The following CAMK1D variants were observed in gnomAD, a reference collection of about 807,000 sequenced individuals.
The protein encoded by CAMK1D is calcium/calmodulin-dependent protein kinase type 1D.
A neutral mutation model predicts 47.7 loss-of-function variants in CAMK1D; 9 were observed. That is an observed-to-expected ratio of 0.19 (90% confidence interval 0.11 to 0.33). CAMK1D has a LOEUF of 0.33. Among genes scored for constraint, CAMK1D ranks in the 10% least tolerant of loss-of-function variants. The probability of loss-of-function intolerance (pLI) is 1.00; values close to 1 mark genes in which losing one functional copy is unlikely to be tolerated. For missense variants in CAMK1D, 291 were observed against 488.7 expected (o/e 0.60, Z 3.81); for synonymous variants, 184 against 184.9 (o/e 0.99, Z 0.04).
At chr10:12,470,551 T>A (rs948475075) in intron 1 of CAMK1D, among the ~76,000 whole-genome samples, 7 of 151,788 alleles carry the variant, frequency 4.6e-5, no homozygotes, top group Admixed American at 3.3e-4. Context: ...GGAGTCTCGC[T>A]CTGTCGCCCA....
intron 2 of CAMK1D, among the ~76,000 whole-genome samples, chr10:12,610,532 T>C (rs1380201851): frequency 1.3e-5 from 2 of 152,160 alleles, no homozygotes; most frequent in Non-Finnish European, 2.9e-5. Flanking sequence ...AAGTGTATAA[T>C]GGGATGTCAA....
At chr10:12,721,535 TCCA>T (rs1834377763) in intron 3 of CAMK1D, among the ~76,000 whole-genome samples, 2 of 151,862 alleles carry the variant, frequency 1.3e-5, no homozygotes, top group African/African-American at 4.8e-5. Context: ...CATCCATCCA[TCCA>T]TCCATCTATC....
intron 5 of CAMK1D, among the ~76,000 whole-genome samples, chr10:12,783,078 C>T (rs1251094812): frequency 1.3e-5 from 2 of 151,580 alleles, no homozygotes; most frequent in Non-Finnish European, 2.9e-5. Context: ...CTGCAACCTC[C>T]ACCTCCTCGG....
intron 3 of CAMK1D, among the ~76,000 whole-genome samples, chr10:12,721,926 C>T (rs1834394497): frequency 6.6e-6 from 1 of 152,068 alleles, no homozygotes; most frequent in African/African-American, 2.4e-5. Flanking sequence ...TACTGAAACC[C>T]CTCGCTGCCT....
chr10:12,699,255 A>G (rs1564502727), intron 3 of CAMK1D, among the ~76,000 whole-genome samples: 1 of 152,166 alleles, frequency 6.6e-6, no homozygotes, highest in Non-Finnish European at 1.5e-5. Flanking sequence ...AAATGCCTTG[A>G]GTGTCCAAAA....
intron 3 of CAMK1D, among the ~76,000 whole-genome samples, chr10:12,722,446 CAAAAAAAAAAAAAAAA>C (rs55809900): frequency 8.2e-5 from 4 of 48,624 alleles, no homozygotes; most frequent in East Asian, 8.2e-4. Context: ...GACTCCGCCT[CAAAAAAAAAAAAAAAA>C]AAAAAAAAAA....
intron 1 of CAMK1D, among the ~76,000 whole-genome samples, chr10:12,484,106 TC>T (rs1286588994): frequency 2.6e-5 from 4 of 152,180 alleles, no homozygotes; most frequent in South Asian, 2.1e-4. Flanking sequence ...TGGGTGGCGT[TC>T]CAAATGCTTC....
intron 3 of CAMK1D, among the ~76,000 whole-genome samples, chr10:12,729,231 C>T (rs1055101353): frequency 6.6e-6 from 1 of 152,132 alleles, no homozygotes; most frequent in African/African-American, 2.4e-5. Flanking sequence ...TTCTAGGTTA[C>T]AAAATTCAAT....
rs142460442 is a variant in CAMK1D at position 12,720,436 on chromosome 10, G to T, written c.300-40512G>T. On this transcript the variant is annotated intron_variant, in intron 3 of 10. Coordinates refer to ENST00000619168, the MANE Select transcript of CAMK1D (RefSeq NM_153498.4). ...CTTGAACTTCACAGACATGCTGAGT[G>T]ATGACAAACCTTGGCAGGTCTGTGA... 1.7e-3 allele frequency among the ~76,000 whole-genome samples: 260 copies of T among 152,354 alleles called. 2 individuals are homozygous for T. The highest frequency in any genetic ancestry group is 5.9e-3 in the African/African-American group (244 of 41,588).
At chr10:12,742,763 A>T (rs1342420256) in intron 3 of CAMK1D, among the ~76,000 whole-genome samples, 1 of 152,214 alleles carries the variant, frequency 6.6e-6, no homozygotes, top group Non-Finnish European at 1.5e-5. Context: ...AGCTGTTTCC[A>T]AAGAGAATGA....
intron 2 of CAMK1D, among the ~76,000 whole-genome samples, chr10:12,607,715 C>A (rs1391949671): frequency 6.6e-6 from 1 of 152,224 alleles, no homozygotes; most frequent in Non-Finnish European, 1.5e-5. Flanking sequence ...AATCCCAGCA[C>A]TCTGGGAGGC....
intron 1 of CAMK1D, among the ~76,000 whole-genome samples, chr10:12,388,255 G>A (rs980130338): frequency 9.2e-5 from 14 of 152,166 alleles, no homozygotes; most frequent in Admixed American, 2.0e-4. Flanking sequence ...TCGAACTCCT[G>A]ACCTCAGGTG....
intron 6 of CAMK1D, among the ~76,000 whole-genome samples, chr10:12,799,337 C>T (rs1006314887): frequency 3.3e-5 from 5 of 151,964 alleles, no homozygotes; most frequent in African/African-American, 4.8e-5. Context: ...GGAGGGAGCA[C>T]GACATTGCCC....
intron 2 of CAMK1D, among the ~76,000 whole-genome samples, chr10:12,579,126 C>T (rs1047004464): frequency 3.3e-5 from 5 of 151,552 alleles, no homozygotes; most frequent in Non-Finnish European, 7.4e-5. Context: ...GGTGTGGGAG[C>T]GCGAGGAGTC....
At chr10:12,785,477 G>A (rs1318247220) in intron 5 of CAMK1D, among the ~76,000 whole-genome samples, 2 of 152,160 alleles carry the variant, frequency 1.3e-5, no homozygotes, top group South Asian at 2.1e-4. Context: ...TGCTGCATAC[G>A]ATTAGAATAC....
intron 3 of CAMK1D, among the ~76,000 whole-genome samples, chr10:12,719,429 A>AAAAAG (rs10628139): frequency 0.46 from 68,677 of 150,744 alleles, 16,081 homozygotes; most frequent in Middle Eastern, 0.6. Flanking sequence ...AAAGAAAAGA[A>AAAAAG]AAAAGAAAAC....
intron 1 of CAMK1D, among the ~76,000 whole-genome samples, chr10:12,452,104 C>T (rs1016609908): frequency 8.5e-5 from 13 of 152,074 alleles, no homozygotes; most frequent in African/African-American, 2.7e-4. Context: ...GCGATGTTTG[C>T]GGATCCCTTT....
chr10:12,740,182 CT>C (rs1398155813), intron 3 of CAMK1D, among the ~76,000 whole-genome samples: 2 of 152,206 alleles, frequency 1.3e-5, no homozygotes, highest in Non-Finnish European at 2.9e-5. Context: ...CCTGACACCC[CT>C]GGTGTAGCTG....
At chr10:12,359,376 T>A (rs1265768001) in intron 1 of CAMK1D, among the ~76,000 whole-genome samples, 1 of 152,162 alleles carries the variant, frequency 6.6e-6, no homozygotes, top group Non-Finnish European at 1.5e-5. Context: ...CCATTCAACA[T>A]TTGCTCCCAA....
Sources: allele counts gnomAD v4.1 joint callset (sites outside exome capture counted in the v4.1 genomes callset), GRCh38; gene constraint gnomAD v4.1.1; transcripts MANE v1.5; gene names NCBI Gene and HGNC (gene_info 2026-07-23, HGNC 2026-07-21).